TSHZ2: variants seen among roughly 807,000 people sequenced by gnomAD.
TSHZ2 encodes the protein teashirt homolog 2.
In TSHZ2, 21 loss-of-function variants were observed where a neutral mutation model predicts 74.4. That is an observed-to-expected ratio of 0.28 (90% confidence interval 0.20 to 0.41). The LOEUF is 0.41. TSHZ2 is among the 10% of genes least tolerant of loss of function. The pLI is 1.00. For synonymous variants in TSHZ2, 540 were observed against 515.3 expected, an observed-to-expected ratio of 1.05 and a Z score of -0.65; for missense variants, 1,244 against 1,293.5, an observed-to-expected ratio of 0.96 and a Z score of 0.59.
At chr20:53,049,308 A>G (rs1338644471) in intron 1 of TSHZ2, among the ~76,000 whole-genome samples, 1 of 151,832 alleles carries the variant, frequency 6.6e-6, no homozygotes, top group Non-Finnish European at 1.5e-5. Flanking sequence ...CTCATGCAAC[A>G]TGTTCTGACT....
At chr20:53,001,230 G>GTGTGTGTA (rs1555813626) in intron 1 of TSHZ2, among the ~76,000 whole-genome samples, 52 of 126,210 alleles carry the variant, frequency 4.1e-4, no homozygotes, top group East Asian at 2.0e-3. Context: ...GTGTGTGTGT[G>GTGTGTGTA]TGTGTGTGTG....
intron 1 of TSHZ2, chr20:53,185,169 G>A (rs1176068786): frequency 2.0e-6 from 2 of 985,420 alleles, no homozygotes; most frequent in East Asian, 1.1e-4. Flanking sequence ...TGAGCCAATT[G>A]TTTTGAAGAA....
chr20:53,046,842 A>G (rs1200113099), intron 1 of TSHZ2, among the ~76,000 whole-genome samples: 1 of 152,194 alleles, frequency 6.6e-6, no homozygotes, highest in Non-Finnish European at 1.5e-5. Context: ...TGGAACTAAC[A>G]GGATGCATTC....
chr20:53,420,495 A>G (rs66845016), intron 2 of TSHZ2, among the ~76,000 whole-genome samples: 15,342 of 152,216 alleles, frequency 0.1, 1,182 homozygotes, highest in East Asian at 0.33. Flanking sequence ...ATGAGGCCAA[A>G]GCGGGCAGAT....
At chr20:53,362,278 A>G (rs1411228780) in intron 2 of TSHZ2, among the ~76,000 whole-genome samples, 4 of 150,712 alleles carry the variant, frequency 2.7e-5, no homozygotes, top group South Asian at 2.1e-4. Context: ...TCCGCCTCCC[A>G]GGTTCACACC....
chr20:53,470,833 A>T (rs570588745), intron 2 of TSHZ2, among the ~76,000 whole-genome samples: 1 of 152,184 alleles, frequency 6.6e-6, no homozygotes, highest in Admixed American at 6.5e-5. Context: ...AATAAATAAA[A>T]CACTAAATAT....
At chr20:53,187,052 G>A (rs1988616649) in intron 1 of TSHZ2, among the ~76,000 whole-genome samples, 1 of 152,096 alleles carries the variant, frequency 6.6e-6, no homozygotes, top group African/African-American at 2.4e-5. Flanking sequence ...TTTAAGCTGT[G>A]GAGGGAGCAA....
At chr20:53,207,332 T>TG (rs1307044886) in intron 1 of TSHZ2, among the ~76,000 whole-genome samples, 1 of 151,562 alleles carries the variant, frequency 6.6e-6, no homozygotes, top group South Asian at 2.1e-4. Flanking sequence ...TTTTCAGGGG[T>TG]GGGGGGCACT....
chr20:53,477,676 T>G, intron 2 of TSHZ2, among the ~76,000 whole-genome samples: 1 of 148,288 alleles, frequency 6.7e-6, no homozygotes, highest in South Asian at 2.2e-4. Flanking sequence ...CTAATTAAAC[T>G]AAAGAGCTTC....
At chr20:53,156,836 A>T (rs1391087442) in intron 1 of TSHZ2, among the ~76,000 whole-genome samples, 1 of 152,258 alleles carries the variant, frequency 6.6e-6, no homozygotes. Context: ...AAAGATTATA[A>T]GATAACGTTT....
At chr20:53,369,782 A>G (rs987466769) in intron 2 of TSHZ2, among the ~76,000 whole-genome samples, 22 of 152,192 alleles carry the variant, frequency 1.4e-4, no homozygotes, top group Non-Finnish European at 2.9e-5. Context: ...GCCAGTGTGC[A>G]GAGATGAGGG....
chr20:53,203,239 G>T (rs979054910), intron 1 of TSHZ2, among the ~76,000 whole-genome samples: 3 of 148,648 alleles, frequency 2.0e-5, no homozygotes, highest in African/African-American at 7.5e-5. Context: ...CTGTTGCCCA[G>T]GCTGGAGTGC....
intron 1 of TSHZ2, among the ~76,000 whole-genome samples, chr20:53,043,800 C>T (rs1984130187): frequency 6.6e-6 from 1 of 151,794 alleles, no homozygotes; most frequent in African/African-American, 2.4e-5. Context: ...AAAACTGATA[C>T]CTGGGGAAGC....
intron 1 of TSHZ2, among the ~76,000 whole-genome samples, chr20:53,002,414 T>C (rs991583902): frequency 2.0e-5 from 3 of 152,170 alleles, no homozygotes; most frequent in Non-Finnish European, 4.4e-5. Context: ...TGTCATACAT[T>C]ATCTTTTTTT....
At chr20:53,091,633 G>A (rs919973355) in intron 1 of TSHZ2, among the ~76,000 whole-genome samples, 15 of 152,068 alleles carry the variant, frequency 9.9e-5, no homozygotes, top group African/African-American at 2.9e-4. Context: ...AAAGTATCAC[G>A]ACTTCCTGTC....
chr20:53,436,787 G>A (rs1984100683), intron 2 of TSHZ2, among the ~76,000 whole-genome samples: 1 of 151,728 alleles, frequency 6.6e-6, no homozygotes, highest in African/African-American at 2.4e-5. Flanking sequence ...CTGACCTCAA[G>A]TGATCCACCT....
chr20:53,170,530 G>A lies in TSHZ2; in HGVS notation c.41-82969G>A, dbSNP rs113905940. Among the ~76,000 whole-genome samples the A allele has an allele frequency of 3.1e-3, 479 of 152,226 alleles. 3 individuals carry two copies. Among genetic ancestry groups the A allele is most frequent in the African/African-American group, 0.011 (454 of 41,554 alleles). On this transcript the variant is annotated intron_variant, in intron 1 of 2. Coordinates refer to ENST00000371497, the MANE Select transcript of TSHZ2 (RefSeq NM_173485.6). Reference sequence around the variant, plus strand: ...TTTCCTGCTATGATGGTGGTGGCGGGGGCCGGGGAGGCTGTCCTGGGCACT... The same window carrying A: ...TTTCCTGCTATGATGGTGGTGGCGGAGGCCGGGGAGGCTGTCCTGGGCACT...
intron 1 of TSHZ2, among the ~76,000 whole-genome samples, chr20:52,996,777 A>G (rs991625012): frequency 3.9e-5 from 6 of 152,182 alleles, no homozygotes; most frequent in African/African-American, 1.4e-4. Flanking sequence ...GTGACAGTCT[A>G]CCTGCAACAT....
At chr20:53,090,804 C>T (rs571713724) in intron 1 of TSHZ2, among the ~76,000 whole-genome samples, 8 of 152,350 alleles carry the variant, frequency 5.3e-5, no homozygotes, top group African/African-American at 1.9e-4. Flanking sequence ...GCTGTGTGTG[C>T]ACACTCCTAA....
Sources: allele counts gnomAD v4.1 joint callset (sites outside exome capture counted in the v4.1 genomes callset), GRCh38; gene constraint gnomAD v4.1.1; transcripts MANE v1.5; gene names NCBI Gene and HGNC (gene_info 2026-07-23, HGNC 2026-07-21).